The following RAB20 variants were observed in gnomAD, a reference collection of about 807,000 sequenced individuals.
The protein encoded by RAB20 is RAB20, member RAS oncogene family, also known as ras-related protein Rab-20.
Under a neutral mutation model 3.7 loss-of-function variants are expected in RAB20, and 2 were observed. That is an observed-to-expected ratio of 0.54 (90% CI 0.22 to 1.69). RAB20 has a LOEUF of 1.69. Ranked by LOEUF, RAB20 falls within the 40% of genes most tolerant of loss-of-function variation. The pLI is 0.19. For synonymous variants in RAB20, 126 were observed against 130.8 expected (o/e 0.96, Z 0.25); for missense variants, 276 against 311.9 (o/e 0.88, Z 0.87).
chr13:110,537,530 C>A (rs1283795393), intron 1 of RAB20, among the ~76,000 whole-genome samples: 2 of 151,928 alleles, frequency 1.3e-5, no homozygotes, highest in Non-Finnish European at 2.9e-5. Flanking sequence ...GAAGCTGCCA[C>A]TAAACTCATA....
intron 1 of RAB20, among the ~76,000 whole-genome samples, chr13:110,539,616 A>G (rs1884720240): frequency 1.3e-5 from 2 of 148,436 alleles, no homozygotes; most frequent in Admixed American, 1.4e-4. Context: ...CTGGAGTGCA[A>G]TGGTGCAATC....
chr13:110,525,467 C>T (rs553495074), intron 1 of RAB20, among the ~76,000 whole-genome samples: 1 of 152,370 alleles, frequency 6.6e-6, no homozygotes, highest in East Asian at 1.9e-4. Context: ...ACCAACAGTG[C>T]ACAGATCCCC....
rs1594140228 is a variant in RAB20, at chr13:110,556,030, A to T, written c.172+5318T>A. Among the ~76,000 whole-genome samples, 3 of 152,328 alleles carry T rather than the reference A, an allele frequency of 2.0e-5. No individual in the cohort carries two copies. In the East Asian group the frequency reaches 5.8e-4, roughly 29 times the overall value. On this transcript the variant is annotated intron_variant, in intron 1 of 1. Coordinates refer to ENST00000267328, the MANE Select transcript of RAB20 (RefSeq NM_017817.3). ...TGGCCACTGTTCTGAGAACCTTGCC[A>T]GTGTTAACTGGCTGACTCCTAACAA...
At chr13:110,557,797 TCCCCCCGCCTCCCGGCCGC>T (rs1429494889) in intron 1 of RAB20, among the ~76,000 whole-genome samples, 1 of 151,750 alleles carries the variant, frequency 6.6e-6, no homozygotes, top group Non-Finnish European at 1.5e-5. Context: ...ATGCCCCTGC[TCCCCCCGCCTCCCGGCCGC>T]CAGGCCACGG....
chr13:110,551,696 CGTGT>C (rs980881666), intron 1 of RAB20, among the ~76,000 whole-genome samples: 4 of 151,984 alleles, frequency 2.6e-5, no homozygotes, highest in Non-Finnish European at 5.9e-5. Flanking sequence ...TGTGTTTGTA[CGTGT>C]GTGTATGTTT....
At chr13:110,533,058 G>A (rs148142280) in intron 1 of RAB20, among the ~76,000 whole-genome samples, 3 of 152,198 alleles carry the variant, frequency 2.0e-5, no homozygotes, top group East Asian at 1.9e-4. Flanking sequence ...ACAAAACATC[G>A]ATGTGACAAC....
At chr13:110,545,473 G>T (rs1466012743) in intron 1 of RAB20, among the ~76,000 whole-genome samples, 1 of 152,206 alleles carries the variant, frequency 6.6e-6, no homozygotes, top group Non-Finnish European at 1.5e-5. Context: ...TCCCCAACTG[G>T]ACTGCGTATT....
chr13:110,542,617 A>G (rs1884783834), intron 1 of RAB20, among the ~76,000 whole-genome samples: 1 of 152,182 alleles, frequency 6.6e-6, no homozygotes, highest in Non-Finnish European at 1.5e-5. Flanking sequence ...TTCACTTACC[A>G]TGATGTCCTC....
intron 1 of RAB20, among the ~76,000 whole-genome samples, chr13:110,550,713 G>A (rs532568898): frequency 1.4e-4 from 22 of 152,204 alleles, no homozygotes; most frequent in Admixed American, 4.6e-4. Context: ...CCTTCTCCTT[G>A]CCACCTTCCA....
intron 1 of RAB20, among the ~76,000 whole-genome samples, chr13:110,554,300 C>A (rs1310372750): frequency 6.6e-6 from 1 of 152,198 alleles, no homozygotes; most frequent in Non-Finnish European, 1.5e-5. Flanking sequence ...TCTCCAGGCC[C>A]ACCCACAGCA....
chr13:110,561,397 G>A lies in RAB20; in HGVS notation c.123C>T (p.Phe41=), dbSNP rs1161085197. 2.5e-6 allele frequency: 4 copies of A among 1,609,828 alleles called. No homozygotes were observed. The highest frequency in any genetic ancestry group is 2.7e-5 in the African/African-American group (2 of 74,330). The part of the protein sequence containing the change: ...PDTVSTVGGA[F]YLKQWRSYNI... ...TGTAGGAGCGCCACTGCTTCAGGTA[G>A]AAGGCGCCGCCCACCGTGCTGACCG... Residue 41 remains phenylalanine, a synonymous_variant, in exon 1 of 2, where the codon TTC becomes TTT. Transcript: ENST00000267328.
chr13:110,551,348 G>T (rs912943), intron 1 of RAB20, among the ~76,000 whole-genome samples: 125,155 of 151,886 alleles, frequency 0.82, 53,152 homozygotes, highest in South Asian at 0.94. Context: ...AGCTGGGCAT[G>T]GCCAGAGACG....
chr13:110,536,415 T>C (rs939449451), intron 1 of RAB20, among the ~76,000 whole-genome samples: 19 of 152,162 alleles, frequency 1.2e-4, no homozygotes, highest in Admixed American at 7.2e-4. Context: ...GGAAGAATGA[T>C]ATCTCCTCTC....
intron 1 of RAB20, among the ~76,000 whole-genome samples, chr13:110,536,659 C>T (rs753701167): frequency 4.7e-5 from 6 of 126,352 alleles, no homozygotes; most frequent in Admixed American, 1.1e-4. Flanking sequence ...CTGCTCGCTT[C>T]CTGAAACAAG....
In RAB20 at chr13:110,536,700, A is replaced by C. The variant is rs549380938; in HGVS notation, c.173-12503T>G. On this transcript the variant is annotated intron_variant, in intron 1 of 1. Coordinates refer to ENST00000267328, the MANE Select transcript of RAB20 (RefSeq NM_017817.3). ...GCTCACAGAAATCACATGCACAGGA[A>C]TATCTAAAATGGCTTTTTTTTGGGG... Among the ~76,000 whole-genome samples, 3 of 104,562 alleles carry C rather than the reference A, an allele frequency of 2.9e-5. No individual in the cohort carries two copies. In the South Asian group the frequency reaches 1.1e-3, roughly 38 times the overall value. The allele number at this position is 104,562 out of a possible 152,430, so 68.6% of individuals were successfully genotyped here.
At chr13:110,535,734 C>T (rs944655602) in intron 1 of RAB20, among the ~76,000 whole-genome samples, 4 of 152,212 alleles carry the variant, frequency 2.6e-5, no homozygotes, top group African/African-American at 9.7e-5. Context: ...GCTGGCCCAG[C>T]GCCTCTGAGC....
rs1305611823 is a variant in RAB20 at position 110,561,693 on chromosome 13, G to A, written c.-174C>T. On this transcript the variant is annotated 5_prime_UTR_variant, in exon 1 of 2. Coordinates refer to ENST00000267328, the MANE Select transcript of RAB20 (RefSeq NM_017817.3). Reference sequence around the variant, plus strand: ...GGAGCTCAAGAGAGGAAGCGCGTGTGCGCGCCCGGGAAGGAGCTGGGTGCA... The same window carrying A: ...GGAGCTCAAGAGAGGAAGCGCGTGTACGCGCCCGGGAAGGAGCTGGGTGCA... 3.4e-6 allele frequency: 4 copies of A among 1,192,912 alleles called. No homozygotes were observed. Among genetic ancestry groups the A allele is most frequent in the Non-Finnish European group, 2.2e-6 (2 of 918,496 alleles). 73.9% of individuals were successfully genotyped at this position (1,192,912 alleles called of 1,614,324 possible). A position where few individuals can be genotyped will look rare whatever the true frequency, so the allele number is the denominator to read the frequency against.
At chr13:110,541,589 T>C (rs1000993605) in intron 1 of RAB20, among the ~76,000 whole-genome samples, 2 of 152,348 alleles carry the variant, frequency 1.3e-5, no homozygotes, top group Non-Finnish European at 2.9e-5. Flanking sequence ...TTCTGACTTC[T>C]CATTTTTCAG....
intron 1 of RAB20, among the ~76,000 whole-genome samples, chr13:110,550,830 G>T (rs1042617123): frequency 6.6e-6 from 1 of 152,088 alleles, no homozygotes; most frequent in Admixed American, 6.6e-5. Context: ...CACAGTCCTG[G>T]TATGTTAGTC....
Sources: gnomAD v4.1 joint callset for allele counts (sites outside exome capture counted in the v4.1 genomes callset) on GRCh38, gnomAD v4.1.1 for gene constraint, MANE v1.5 for transcripts, NCBI Gene and HGNC (gene_info 2026-07-23, HGNC 2026-07-21) for gene names.